MCMDC2: variants seen among roughly 807,000 people sequenced by gnomAD.
MCMDC2 encodes the protein minichromosome maintenance domain containing 2.
In MCMDC2, 54 loss-of-function variants were observed where a neutral mutation model predicts 75.8. That is an observed-to-expected ratio of 0.71 (90% CI 0.57 to 0.89). The LOEUF is 0.89. Ranked by LOEUF, MCMDC2 falls within the 40% of genes least tolerant of loss-of-function variation. The pLI is 0.00. For missense variants in MCMDC2, 656 were observed against 780.4 expected (o/e 0.84, Z 1.90); for synonymous variants, 249 against 274.6 (o/e 0.91, Z 0.92).
chr8:66,880,917 A>AC lies in MCMDC2; in HGVS notation c.780dup (p.Ser261LeufsTer11). On this transcript the variant is annotated frameshift_variant, in exon 8 of 15. Transcript: ENST00000422365. LOFTEE classifies it high-confidence loss of function. ...TATTGGAATTCCAACCTGTGTAAAA[A>AC]CCTCACAAACTGCTGTCTGTATAGA... 6.4e-7 allele frequency: 1 copy of AC among 1,572,392 alleles called. No homozygotes were observed.
rs1813550764 is a variant in MCMDC2 at position 66,921,903 on chromosome 8, C to G, written c.*2734C>G. ...TCGAATATGTTCAAAACAGGTCTGA[C>G]TAGTGACTATGAGAATGGAGCTATT... On this transcript the variant is annotated 3_prime_UTR_variant, in exon 15 of 15. Transcript: ENST00000422365. The G allele has an allele frequency of 6.6e-6, 1 of 152,284 alleles. No individual in the cohort carries two copies. Among genetic ancestry groups the G allele is most frequent in the South Asian group, 2.1e-4 (1 of 4,834 alleles). The allele number at this position is 152,284 out of a possible 1,614,324, so 9.4% of individuals were successfully genotyped here. A position where few individuals can be genotyped will look rare whatever the true frequency, so the allele number is the denominator to read the frequency against.
intron 5 of MCMDC2, 108 bp downstream of exon 5, chr8:66,877,652 C>G: frequency 1.3e-6 from 1 of 773,498 alleles, no homozygotes. Flanking sequence ...ATCACCTGAG[C>G]TCAGGAGTTT....
intron 14 of MCMDC2, among the ~76,000 whole-genome samples, chr8:66,917,811 A>G (rs1039113336): frequency 1.3e-5 from 2 of 152,216 alleles, no homozygotes; most frequent in Non-Finnish European, 2.9e-5. Context: ...TCACCTGTCA[A>G]TGGACATTTC....
rs189777359 is a variant in MCMDC2 at position 66,903,756 on chromosome 8, G to C, written c.1770-1470G>C. ...GCATCTTTGCTTTTCTAGAGAAGTGGAGCTGAACAATACTTTCTAAAGGCT... is the reference window on the plus strand; with the variant it reads ...GCATCTTTGCTTTTCTAGAGAAGTGCAGCTGAACAATACTTTCTAAAGGCT... On this transcript the variant is annotated intron_variant, in intron 13 of 14. Coordinates refer to ENST00000422365, the MANE Select transcript of MCMDC2 (RefSeq NM_173518.5). 1.5e-3 allele frequency among the ~76,000 whole-genome samples: 229 copies of C among 152,212 alleles called. 1 individual carries two copies. The highest frequency in any genetic ancestry group is 5.4e-3 in the African/African-American group (223 of 41,518).
chr8:66,916,014 T>C (rs1813302541), intron 14 of MCMDC2, among the ~76,000 whole-genome samples: 1 of 152,138 alleles, frequency 6.6e-6, no homozygotes, highest in African/African-American at 2.4e-5. Context: ...TAGGTAGCCA[T>C]GATCAGAGAT....
At chr8:66,887,239 G>T (rs1422909845) in intron 9 of MCMDC2, among the ~76,000 whole-genome samples, 1 of 151,962 alleles carries the variant, frequency 6.6e-6, no homozygotes, top group Non-Finnish European at 1.5e-5. Context: ...TCTGACTTCT[G>T]TTTAAGAAAT....
At position 66,890,853 on chromosome 8, in the gene MCMDC2, T is replaced by G. The variant is rs1369174126; in HGVS notation, c.1074-12T>G. On this transcript the variant is annotated splice_polypyrimidine_tract_variant and intron_variant, in intron 9 of 14. Transcript: ENST00000422365. ...AAATAATAGTAATGAAAAGTTTATT[T>G]TTTTTCCCTAGGCTTCTGAATTTTA... 6.3e-7 allele frequency: 1 copy of G among 1,591,404 alleles called. No homozygotes were observed.
chr8:66,914,657 A>G lies in MCMDC2; in HGVS notation c.1880-4346A>G, dbSNP rs951101677. ...GAGGAACAGAGAACTAATGTGTTCA[A>G]TTATATTTTTGAAATACCATGTTTG... On this transcript the variant is annotated intron_variant, in intron 14 of 14. Coordinates refer to ENST00000422365, the MANE Select transcript of MCMDC2 (RefSeq NM_173518.5). 7.9e-5 allele frequency among the ~76,000 whole-genome samples: 12 copies of G among 152,232 alleles called. No individual in the cohort carries two copies. In the East Asian group the frequency reaches 2.1e-3, roughly 27 times the overall value.
At chr8:66,914,919 GA>G (rs918686440) in intron 14 of MCMDC2, among the ~76,000 whole-genome samples, 7 of 152,112 alleles carry the variant, frequency 4.6e-5, no homozygotes, top group Non-Finnish European at 7.4e-5. Context: ...GGTAATTAAG[GA>G]AAACTCCCAT....
At chr8:66,880,388 T>C (rs1342485270) in intron 7 of MCMDC2, among the ~76,000 whole-genome samples, 1 of 152,180 alleles carries the variant, frequency 6.6e-6, no homozygotes, top group Non-Finnish European at 1.5e-5. Flanking sequence ...CGAGACTTTG[T>C]CTCAAAAACA....
At position 66,874,325 on chromosome 8, in the gene MCMDC2, G is replaced by T. The variant is rs757399365; in HGVS notation, c.95-1G>T. On this transcript the variant is annotated splice_acceptor_variant, in intron 2 of 14. Coordinates refer to ENST00000422365, the MANE Select transcript of MCMDC2 (RefSeq NM_173518.5). LOFTEE classifies it high-confidence loss of function. Reference sequence around the variant, plus strand: ...ACTTTTACATTTGTATATTTTCATAGATTCAAAACAAAGCTATGCTGTCTA... The same window carrying T: ...ACTTTTACATTTGTATATTTTCATATATTCAAAACAAAGCTATGCTGTCTA... 6.2e-7 allele frequency: 1 copy of T among 1,607,734 alleles called. No individual in the cohort carries two copies. Among genetic ancestry groups the T allele is most frequent in the Non-Finnish European group, 8.5e-7 (1 of 1,178,338 alleles).
intron 4 of MCMDC2, 106 bp from the exon 5 acceptor site, chr8:66,877,243 A>G: frequency 7.3e-6 from 5 of 681,784 alleles, no homozygotes; most frequent in Non-Finnish European, 1.1e-5. Flanking sequence ...CCTAAGAACA[A>G]TAACATATCA....
At chr8:66,870,877 C>T (rs1810980797) in intron 1 of MCMDC2, 46 bp downstream of exon 1, 1 of 152,398 alleles carries the variant, frequency 6.6e-6, no homozygotes, top group South Asian at 2.1e-4. Context: ...AACTCGAGGT[C>T]ACCGCTGTCA....
chr8:66,905,393 T>G, intron 14 of MCMDC2, 58 bp downstream of exon 14: 1 of 1,254,670 alleles, frequency 8.0e-7, no homozygotes, highest in South Asian at 2.3e-5. Context: ...CCTTAAATAT[T>G]CTTAGTTGGT....
chr8:66,918,739 T>C (rs1421649185), intron 14 of MCMDC2, among the ~76,000 whole-genome samples: 10 of 152,166 alleles, frequency 6.6e-5, no homozygotes, highest in Non-Finnish European at 1.5e-4. Context: ...ACTTCTTCCA[T>C]TGGCCCTGGT....
At chr8:66,895,174 C>A (rs1391905951) in intron 10 of MCMDC2, among the ~76,000 whole-genome samples, 1 of 152,114 alleles carries the variant, frequency 6.6e-6, no homozygotes, top group African/African-American at 2.4e-5. Context: ...AATGTAAATG[C>A]TTTGCAAATT....
chr8:66,893,139 C>T (rs1812191065), intron 10 of MCMDC2, among the ~76,000 whole-genome samples: 1 of 152,168 alleles, frequency 6.6e-6, no homozygotes. Flanking sequence ...TAGTCAGAAC[C>T]TTGCCTTCTT....
intron 5 of MCMDC2, 151 bp downstream of exon 5, chr8:66,877,695 T>A (rs1585851686): frequency 1.8e-6 from 1 of 547,768 alleles, no homozygotes; most frequent in East Asian, 3.3e-5. Flanking sequence ...AGAAACCTCG[T>A]CTCTACAAAA....
rs1321672477 is a variant in MCMDC2, at chr8:66,874,223, AG to A, written c.84del (p.Lys28AsnfsTer18). 1.9e-6 allele frequency: 3 copies of A among 1,612,344 alleles called. No individual in the cohort carries two copies. Among genetic ancestry groups the A allele is most frequent in the Non-Finnish European group, 2.5e-6 (3 of 1,179,514 alleles). ...CTCCAAAAGTTTATAGATGATTGCA[AG>A]TACTACAATGGTACGTTCAGCAAAG... ...GGLQKFIDDCKYYNDSKQSYA... is the reference protein window; with the variant it reads ...GGLQKFIDDCXYYNDSKQSYA... On this transcript the variant is annotated frameshift_variant, in exon 2 of 15. Coordinates refer to ENST00000422365, the MANE Select transcript of MCMDC2 (RefSeq NM_173518.5). LOFTEE classifies it high-confidence loss of function.
Sources: gnomAD v4.1 joint callset for allele counts (sites outside exome capture counted in the v4.1 genomes callset) on GRCh38, gnomAD v4.1.1 for gene constraint, MANE v1.5 for transcripts, NCBI Gene and HGNC (gene_info 2026-07-23, HGNC 2026-07-21) for gene names.